The following PTP4A1 variants were observed in gnomAD, a reference collection of about 807,000 sequenced individuals.
PTP4A1 encodes protein tyrosine phosphatase 4A1.
In PTP4A1, 9 loss-of-function variants were observed where a neutral mutation model predicts 20.5. That is an observed-to-expected ratio of 0.44 (90% CI 0.26 to 0.77). The LOEUF (loss-of-function observed/expected upper bound fraction) is 0.77. PTP4A1 is among the 30% of genes least tolerant of loss of function. The pLI, the probability that PTP4A1 is intolerant of heterozygous loss-of-function variation, is 0.19. For synonymous variants in PTP4A1, 78 were observed against 67.4 expected (o/e 1.16, Z -0.77); for missense variants, 137 against 218.8 (o/e 0.63, Z 2.36).
At chr6:63,533,837 T>TTAAC (rs1562114356) in intron 2 of PTP4A1, among the ~76,000 whole-genome samples, 2 of 151,566 alleles carry the variant, frequency 1.3e-5, no homozygotes, top group African/African-American at 4.9e-5. Flanking sequence ...ACTTTTTTAA[T>TTAAC]TAATTAATTA....
chr6:63,533,725 G>A (rs1470434143), intron 2 of PTP4A1, among the ~76,000 whole-genome samples: 1 of 152,104 alleles, frequency 6.6e-6, no homozygotes, highest in Non-Finnish European at 1.5e-5. Context: ...GCAGAAGGAG[G>A]CATATAGACT....
At chr6:63,543,757 C>T (rs148122770) in intron 2 of PTP4A1, among the ~76,000 whole-genome samples, 3 of 152,276 alleles carry the variant, frequency 2.0e-5, no homozygotes, top group African/African-American at 7.2e-5. Context: ...TCAAGTGAAA[C>T]TTATAATGAC....
chr6:63,529,201 A>G (rs1207595302), intron 2 of PTP4A1, among the ~76,000 whole-genome samples: 1 of 148,812 alleles, frequency 6.7e-6, no homozygotes, highest in Non-Finnish European at 1.5e-5. Context: ...GTATATATAT[A>G]TATGTATATA....
At chr6:63,568,720 T>C (rs904180152), upstream of PTP4A1, among the ~76,000 whole-genome samples, 11 of 152,116 alleles carry the variant, frequency 7.2e-5, no homozygotes, top group African/African-American at 2.4e-5. Flanking sequence ...TACTACATAT[T>C]TATTTTTAAT....
At chr6:63,553,228 T>C (rs1452547073) in intron 3 of PTP4A1, among the ~76,000 whole-genome samples, 1 of 152,202 alleles carries the variant, frequency 6.6e-6, no homozygotes, top group African/African-American at 2.4e-5. Context: ...TTTAACGTAA[T>C]CTGTTGATGA....
Position 63,537,336 on chromosome 6 carries a change from A to C in PTP4A1, c.-640+9252A>C, listed in dbSNP as rs113134168. ...CTGTGCAGTGGAGCCAGGAATCCTG[A>C]TTTAACAAGCTCTACAGGTGATTCT... On this transcript the variant is annotated intron_variant, in intron 2 of 3. Transcript: ENST00000639568. 6.1e-3 allele frequency among the ~76,000 whole-genome samples: 922 copies of C among 152,326 alleles called. 13 individuals carry two copies. The highest frequency in any genetic ancestry group is 0.021 in the African/African-American group (866 of 41,570).
At position 63,556,805 on chromosome 6, in the gene PTP4A1, C is replaced by T. The variant is rs552486459; in HGVS notation, c.-446+6312C>T. ...AAAGTGAGTTGTTAATCGACTTTTA[C>T]AAGAAATGCCCAAATATAACAAGCA... is the stretch of plus-strand genomic sequence containing the variant. On this transcript the variant is annotated intron_variant, in intron 3 of 3. Transcript: ENST00000639568. Among the ~76,000 whole-genome samples the T allele has an allele frequency of 5.9e-5, 9 of 152,262 alleles. No homozygotes were observed. In the South Asian group the frequency reaches 1.7e-3, roughly 28 times the overall value.
intron 2 of PTP4A1, chr6:63,549,179 C>A (rs1776329049): frequency 2.9e-6 from 2 of 686,582 alleles, no homozygotes; most frequent in African/African-American, 3.6e-5. Context: ...GCCTCTGTTT[C>A]TTCTCTTGCT....
chr6:63,557,378 C>T (rs1040779323), intron 3 of PTP4A1, among the ~76,000 whole-genome samples: 2 of 152,022 alleles, frequency 1.3e-5, no homozygotes, highest in African/African-American at 2.4e-5. Context: ...CCAGCCTGGC[C>T]AACATGGTGA....
chr6:63,579,409 G>A (rs1581951375), intron 5 of PTP4A1, 78 bp downstream of exon 5: 1 of 1,010,610 alleles, frequency 9.9e-7, no homozygotes, highest in South Asian at 1.8e-5. Context: ...TAGTCTAATA[G>A]CCCATTTAAT....
chr6:63,518,745 T>C (rs1774819699), upstream of PTP4A1, among the ~76,000 whole-genome samples: 1 of 152,212 alleles, frequency 6.6e-6, no homozygotes, highest in Admixed American at 6.6e-5. Flanking sequence ...CCTTTAATAC[T>C]TGCAATAATA....
chr6:63,537,879 G>A (rs1775790419), intron 2 of PTP4A1, among the ~76,000 whole-genome samples: 1 of 152,208 alleles, frequency 6.6e-6, no homozygotes, highest in South Asian at 2.1e-4. Flanking sequence ...TAGTGAGAGA[G>A]AAGTTGGGGA....
In PTP4A1 at chr6:63,576,980, A is replaced by G. The variant is rs746337411; in HGVS notation, c.100A>G (p.Ile34Val). The change falls in exon 2 of 6, where the codon ATA becomes GTA. Residue 34 changes from isoleucine to valine, a missense_variant. Transcript: ENST00000626021. ...AACCAATGCGACCTTAAACAAATTT[A>G]TAGAGGTAAGATTTGATATGTTTTA... ...NPTNATLNKF[I>V]EELKKYGVTT... 2 of 1,606,828 alleles carry G rather than the reference A, an allele frequency of 1.2e-6. No homozygotes were observed. The highest frequency in any genetic ancestry group is 2.2e-5 in the South Asian group (2 of 90,860).
chr6:63,532,095 G>C (rs1459451930), intron 2 of PTP4A1, among the ~76,000 whole-genome samples: 1 of 151,902 alleles, frequency 6.6e-6, no homozygotes, highest in Non-Finnish European at 1.5e-5. Flanking sequence ...CACCACGCCC[G>C]GTCAACCACA....
chr6:63,537,918 C>G (rs544106837), intron 2 of PTP4A1, among the ~76,000 whole-genome samples: 2 of 152,188 alleles, frequency 1.3e-5, no homozygotes, highest in East Asian at 3.9e-4. Context: ...ACAGGCAGGC[C>G]CAGACAGGAG....
chr6:63,554,277 C>A (rs995117233), intron 3 of PTP4A1, among the ~76,000 whole-genome samples: 6 of 152,278 alleles, frequency 3.9e-5, no homozygotes, highest in Admixed American at 2.0e-4. Context: ...CTCTCTTAAA[C>A]CTCAAAGTAT....
upstream of PTP4A1, among the ~76,000 whole-genome samples, chr6:63,518,116 C>T (rs1014244217): frequency 8.1e-5 from 12 of 148,558 alleles, no homozygotes; most frequent in Non-Finnish European, 1.6e-4. Flanking sequence ...AGTACCATAT[C>T]GCACTCCAGC....
Position 63,561,584 on chromosome 6 carries a change from A to G in PTP4A1, c.-446+11091A>G, listed in dbSNP as rs1224095503. Among the ~76,000 whole-genome samples, 3 of 152,086 alleles carry G rather than the reference A, an allele frequency of 2.0e-5. No homozygotes were observed. In the East Asian group the frequency reaches 5.8e-4, roughly 29 times the overall value. ...AAAATTGATTTTGTTTCCGCTTACA[A>G]TCACATTCCAGGGCACTTACAATCA... is the stretch of plus-strand genomic sequence containing the variant. On this transcript the variant is annotated intron_variant, in intron 3 of 3. Transcript: ENST00000639568.
intron 2 of PTP4A1, among the ~76,000 whole-genome samples, 157 bp downstream of exon 2, chr6:63,577,142 A>T (rs201358828): frequency 6.6e-6 from 1 of 152,222 alleles, no homozygotes; most frequent in Admixed American, 6.5e-5. Context: ...GGTTAGAGGT[A>T]TATTTGTACA....
Sources: gnomAD v4.1 joint callset for allele counts (sites outside exome capture counted in the v4.1 genomes callset) on GRCh38, gnomAD v4.1.1 for gene constraint, MANE v1.5 for transcripts, NCBI Gene and HGNC (gene_info 2026-07-23, HGNC 2026-07-21) for gene names.